Variants in GSE1 observed in about 807,000 individuals in gnomAD.
GSE1 encodes the protein genetic suppressor element 1.
A neutral mutation model predicts 112.6 loss-of-function variants in GSE1; 32 were observed. The ratio of observed to expected loss-of-function variants is 0.28; its 90% confidence interval spans 0.21 to 0.38. GSE1 has a LOEUF of 0.38. Ranked by LOEUF, GSE1 falls within the 10% of genes least tolerant of loss-of-function variation. The pLI, the probability that GSE1 is intolerant of heterozygous loss-of-function variation, is 1.00. For missense variants in GSE1, 2,348 were observed against 1,699.2 expected, an observed-to-expected ratio of 1.38 and a Z score of -6.71; for synonymous variants, 1,115 against 735.6, an observed-to-expected ratio of 1.52 and a Z score of -8.35.
At chr16:85,646,521 C>T (rs1036812233) in intron 2 of GSE1, among the ~76,000 whole-genome samples, 1 of 152,212 alleles carries the variant, frequency 6.6e-6, no homozygotes, top group Non-Finnish European at 1.5e-5. Flanking sequence ...GCCACCTCTG[C>T]GGCCTGCCTT....
At chr16:85,253,498 C>T (rs1240320064) in intron 1 of GSE1, among the ~76,000 whole-genome samples, 2 of 152,210 alleles carry the variant, frequency 1.3e-5, no homozygotes, top group African/African-American at 4.8e-5. Context: ...TCCTCTGCCT[C>T]CTCTTTCTGG....
At chr16:85,350,307 C>T (rs749052652) in intron 1 of GSE1, among the ~76,000 whole-genome samples, 2 of 152,160 alleles carry the variant, frequency 1.3e-5, no homozygotes, top group Non-Finnish European at 2.9e-5. Flanking sequence ...TCAAGATCAG[C>T]AGTGCCGGCT....
chr16:85,491,120 C>T (rs535180273), intron 2 of GSE1, among the ~76,000 whole-genome samples: 4 of 152,302 alleles, frequency 2.6e-5, no homozygotes, highest in South Asian at 4.1e-4. Flanking sequence ...TCGCAGGGGG[C>T]GGCACCAGAG....
chr16:85,184,747 C>T lies in GSE1; in HGVS notation c.2283+12940C>T, dbSNP rs2074664982. Among the ~76,000 whole-genome samples the T allele has an allele frequency of 1.3e-5, 2 of 152,188 alleles. 1 individual carries two copies. The highest frequency in any genetic ancestry group is 3.9e-4 in the East Asian group (2 of 5,184). On this transcript the variant is annotated intron_variant, in intron 1 of 2. Coordinates refer to the GSE1 transcript ENST00000637419. ...ATTTAGAAGTATGTTGCTTAATTTC[C>T]AAACATTGGACTATCTTAATATCTT...
In GSE1 at chr16:85,473,975, AAGGCCCTGGGGGGCAGC is replaced by A. The variant is rs371935571; in HGVS notation, c.2464+116338_2464+116354del. 4.8e-3 allele frequency among the ~76,000 whole-genome samples: 727 copies of A among 152,208 alleles called. 5 individuals are homozygous for A. The highest frequency in any genetic ancestry group is 0.016 in the African/African-American group (670 of 41,562). On this transcript the variant is annotated intron_variant, in intron 2 of 2. Coordinates refer to the GSE1 transcript ENST00000637419. The stretch of plus-strand genomic sequence containing the variant: ...AGACAGACGAACAGCCTGGGGGCCG[AAGGCCCTGGGGGGCAGC>A]AGGCCTGAAACCAGCACAGGCGGGC...
intron 2 of GSE1, among the ~76,000 whole-genome samples, chr16:85,511,508 A>G (rs1403460164): frequency 4.7e-5 from 7 of 150,178 alleles, no homozygotes; most frequent in African/African-American, 1.7e-4. Flanking sequence ...AGCCTGGGCA[A>G]CAAGAGCAAA....
chr16:85,479,432 G>T (rs149988769), intron 2 of GSE1, among the ~76,000 whole-genome samples: 1,896 of 151,812 alleles, frequency 0.012, 13 homozygotes, highest in Non-Finnish European at 0.02. Context: ...GCCTCCCAAA[G>T]TGCCGAGGTT....
chr16:85,295,517 CAGA>C (rs2045342648), intron 1 of GSE1, among the ~76,000 whole-genome samples: 2 of 152,238 alleles, frequency 1.3e-5, no homozygotes, highest in Non-Finnish European at 2.9e-5. Context: ...CACGTCCATG[CAGA>C]AGGTCTTGTG....
At chr16:85,331,556 T>TGTATATATGA (rs2046361056) in intron 1 of GSE1, among the ~76,000 whole-genome samples, 1 of 89,736 alleles carries the variant, frequency 1.1e-5, no homozygotes, top group Admixed American at 1.4e-4. Flanking sequence ...TGTATATATG[T>TGTATATATGA]GTATATGTGT....
rs148891117 is a variant in GSE1, at chr16:85,541,226, C to G, written c.2465-92688C>G. On this transcript the variant is annotated intron_variant, in intron 2 of 2. Transcript: ENST00000637419. ...CCAAGGCTGGGATGGTGAGAGCTGACCACCTGGGGGTTCCCCGGGAGGGCT... is the reference window on the plus strand; with the variant it reads ...CCAAGGCTGGGATGGTGAGAGCTGAGCACCTGGGGGTTCCCCGGGAGGGCT... Among the ~76,000 whole-genome samples, 294 of 152,356 alleles carry G rather than the reference C, an allele frequency of 1.9e-3. 1 individual carries two copies. The highest frequency in any genetic ancestry group is 6.9e-3 in the African/African-American group (285 of 41,582).
chr16:85,668,323 A>T lies in GSE1; in HGVS notation c.3314A>T (p.Glu1105Val). ...QELDRDSEEEEEEDDEDGEDE... is the reference protein window; with the variant it reads ...QELDRDSEEEVEEDDEDGEDE... ...TTGGACCGGGACTCGGAGGAGGAGG[A>T]AGAGGAGGATGATGAAGATGGAGAA... Residue 1105 changes from glutamate (E) to valine (V), a missense_variant, in exon 14 of 16, where the codon GAA becomes GTA. Physicochemically the swap from Glu to Val is moderately radical, Grantham distance 121. Transcript: ENST00000253458. 6.2e-7 allele frequency: 1 copy of T among 1,612,662 alleles called. No homozygotes were observed. Among genetic ancestry groups the T allele is most frequent in the Non-Finnish European group, 8.5e-7 (1 of 1,178,910 alleles).
chr16:85,269,643 C>A (rs8062182), intron 1 of GSE1, among the ~76,000 whole-genome samples: 75,430 of 148,416 alleles, frequency 0.51, 22,704 homozygotes, highest in African/African-American at 0.65. Context: ...TCCCCTGGCC[C>A]CCGAAGCCCC....
At chr16:85,403,289 G>T (rs1416599312) in intron 2 of GSE1, among the ~76,000 whole-genome samples, 1 of 152,164 alleles carries the variant, frequency 6.6e-6, no homozygotes, top group African/African-American at 2.4e-5. Context: ...CCTCACCTGT[G>T]CCATGTTCCA....
At chr16:85,533,649 A>G (rs936207319) in intron 2 of GSE1, among the ~76,000 whole-genome samples, 1 of 152,148 alleles carries the variant, frequency 6.6e-6, no homozygotes, top group African/African-American at 2.4e-5. Flanking sequence ...GGATCACTTC[A>G]GCCCAGGAGT....
intron 12 of GSE1, 84 bp downstream of exon 12, chr16:85,665,212 C>A (rs1210656408): frequency 9.4e-6 from 7 of 745,412 alleles, no homozygotes; most frequent in Non-Finnish European, 1.6e-5. Flanking sequence ...TCGAGGTCTT[C>A]ATCATTGTGA....
At chr16:85,436,855 G>A (rs1037526285) in intron 2 of GSE1, among the ~76,000 whole-genome samples, 58 of 152,338 alleles carry the variant, frequency 3.8e-4, no homozygotes, top group Middle Eastern at 3.4e-3. Context: ...GGCTGGGCTC[G>A]GTTCCCCCAT....
At chr16:85,670,811 C>G (rs1055990657) in intron 14 of GSE1, 184 bp from the exon 15 acceptor site, 1 of 460,796 alleles carries the variant, frequency 2.2e-6, no homozygotes, top group Non-Finnish European at 3.9e-6. Flanking sequence ...AATTTAGTGA[C>G]GTTTATGTAT....
chr16:85,455,037 C>T (rs186519104), intron 2 of GSE1, among the ~76,000 whole-genome samples: 51 of 152,330 alleles, frequency 3.3e-4, no homozygotes, highest in African/African-American at 1.1e-3. Context: ...TTTCCTCCTC[C>T]GTAAATGGGG....
intron 1 of GSE1, among the ~76,000 whole-genome samples, chr16:85,631,699 C>G (rs1486123758): frequency 6.6e-6 from 1 of 152,248 alleles, no homozygotes; most frequent in African/African-American, 2.4e-5. Context: ...TCAGTTACCC[C>G]ATTATGCTCA....
Sources: gnomAD v4.1 joint callset for allele counts (sites outside exome capture counted in the v4.1 genomes callset) on GRCh38, gnomAD v4.1.1 for gene constraint, MANE v1.5 for transcripts, NCBI Gene and HGNC (gene_info 2026-07-23, HGNC 2026-07-21) for gene names.